Variants in ZNRF2 observed in about 807,000 individuals in gnomAD.
ZNRF2 encodes the protein E3 ubiquitin-protein ligase ZNRF2.
ZNRF2 carries 16 observed loss-of-function variants against 20.4 expected under a neutral mutation model. The observed-to-expected ratio is 0.79, with a 90% confidence interval of 0.53 to 1.19. ZNRF2 has a LOEUF of 1.19. ZNRF2 is among the 50% of genes most tolerant of loss of function. The pLI, the probability that ZNRF2 is intolerant of heterozygous loss-of-function variation, is 0.00. For synonymous variants in ZNRF2, 178 were observed against 144.9 expected (o/e 1.23, Z -1.64); for missense variants, 363 against 332.4 (o/e 1.09, Z -0.72).
At chr7:30,316,591 T>C (rs896472005) in intron 1 of ZNRF2, among the ~76,000 whole-genome samples, 3 of 152,202 alleles carry the variant, frequency 2.0e-5, no homozygotes, top group Admixed American at 6.5e-5. Flanking sequence ...TATTGTGTTA[T>C]TGGAACATTT....
intron 1 of ZNRF2, among the ~76,000 whole-genome samples, chr7:30,291,339 A>G (rs1433430635): frequency 1.3e-5 from 2 of 152,366 alleles, no homozygotes; most frequent in Admixed American, 6.5e-5. Context: ...ATTGGGCACA[A>G]TTAACACTCG....
chr7:30,338,015 T>C (rs961613415), intron 2 of ZNRF2, among the ~76,000 whole-genome samples: 1 of 152,158 alleles, frequency 6.6e-6, no homozygotes, highest in African/African-American at 2.4e-5. Flanking sequence ...ATTCTGAACA[T>C]TTGTAATATG....
chr7:30,365,176 G>T (rs1425672181), intron 4 of ZNRF2, among the ~76,000 whole-genome samples: 15 of 110,256 alleles, frequency 1.4e-4, no homozygotes, highest in African/African-American at 5.1e-4. Context: ...TTTTTTTGGT[G>T]AGGTGGAATT....
At chr7:30,289,434 T>C (rs1798855388) in intron 1 of ZNRF2, among the ~76,000 whole-genome samples, 1 of 152,224 alleles carries the variant, frequency 6.6e-6, no homozygotes, top group Non-Finnish European at 1.5e-5. Flanking sequence ...CCAAAATGTT[T>C]GAATTTGGGA....
intron 2 of ZNRF2, among the ~76,000 whole-genome samples, chr7:30,347,363 A>T (rs990764829): frequency 2.6e-5 from 4 of 152,186 alleles, no homozygotes; most frequent in African/African-American, 9.7e-5. Context: ...TTTCATTTTC[A>T]TCCCAACTCT....
chr7:30,347,830 A>G (rs1799901300), intron 2 of ZNRF2, among the ~76,000 whole-genome samples: 1 of 152,228 alleles, frequency 6.6e-6, no homozygotes, highest in African/African-American at 2.4e-5. Context: ...AGGATCCAGC[A>G]ATTAGTCACA....
intron 1 of ZNRF2, among the ~76,000 whole-genome samples, chr7:30,294,280 A>G (rs905890224): frequency 6.6e-6 from 1 of 152,106 alleles, no homozygotes; most frequent in Non-Finnish European, 1.5e-5. Flanking sequence ...TTCTTGTTAC[A>G]TATAGTCACT....
chr7:30,293,386 T>G (rs539456738), intron 1 of ZNRF2, among the ~76,000 whole-genome samples: 1 of 151,950 alleles, frequency 6.6e-6, no homozygotes, highest in African/African-American at 2.4e-5. Flanking sequence ...GTAGCTGGGA[T>G]TACAGGTGTG....
intron 2 of ZNRF2, among the ~76,000 whole-genome samples, chr7:30,333,117 G>C (rs1294742328): frequency 1.4e-5 from 2 of 142,286 alleles, no homozygotes; most frequent in East Asian, 4.2e-4. Context: ...GCAGTGGCTT[G>C]ATCTTGGCTC....
intron 2 of ZNRF2, among the ~76,000 whole-genome samples, chr7:30,347,900 A>G (rs868513896): frequency 3.9e-5 from 6 of 152,152 alleles, no homozygotes; most frequent in Admixed American, 6.5e-5. Context: ...TCAGTTGTTC[A>G]TGTTGCATAA....
chr7:30,313,865 C>T (rs985454983), intron 1 of ZNRF2, among the ~76,000 whole-genome samples: 14 of 152,152 alleles, frequency 9.2e-5, no homozygotes, highest in East Asian at 1.9e-4. Flanking sequence ...AGAATATGTT[C>T]GGTATATTCG....
intron 2 of ZNRF2, among the ~76,000 whole-genome samples, chr7:30,339,602 T>C (rs961847649): frequency 2.0e-5 from 3 of 152,184 alleles, no homozygotes; most frequent in African/African-American, 7.2e-5. Context: ...CTGAGGCCTT[T>C]GTTCTGTTCC....
At chr7:30,340,836 C>T (rs564050565) in intron 2 of ZNRF2, among the ~76,000 whole-genome samples, 2 of 152,158 alleles carry the variant, frequency 1.3e-5, no homozygotes, top group South Asian at 2.1e-4. Flanking sequence ...CTCTTTGTAC[C>T]TCCGGTAGAG....
At chr7:30,308,430 T>G (rs1429767614) in intron 1 of ZNRF2, among the ~76,000 whole-genome samples, 1 of 152,234 alleles carries the variant, frequency 6.6e-6, no homozygotes, top group Non-Finnish European at 1.5e-5. Context: ...ACTTAAAATA[T>G]GGTCCTTGAA....
intron 1 of ZNRF2, among the ~76,000 whole-genome samples, chr7:30,297,970 T>G (rs1251779289): frequency 1.3e-5 from 2 of 152,106 alleles, no homozygotes; most frequent in African/African-American, 4.8e-5. Flanking sequence ...GCTCAAGTGA[T>G]CCTCCTGCCT....
chr7:30,356,907 G>A (rs974392762), intron 3 of ZNRF2, among the ~76,000 whole-genome samples: 5 of 151,944 alleles, frequency 3.3e-5, no homozygotes, highest in East Asian at 1.9e-4. Context: ...GGGTTTCACC[G>A]TGTTAGCCAG....
intron 1 of ZNRF2, among the ~76,000 whole-genome samples, chr7:30,319,376 A>G (rs1312053216): frequency 6.6e-6 from 1 of 152,184 alleles, no homozygotes; most frequent in Non-Finnish European, 1.5e-5. Context: ...ATAATCTTTA[A>G]TTCTCACCAA....
intron 4 of ZNRF2, among the ~76,000 whole-genome samples, chr7:30,363,582 A>G (rs1800162083): frequency 6.6e-6 from 1 of 152,150 alleles, no homozygotes; most frequent in East Asian, 1.9e-4. Context: ...ATTCACTTTT[A>G]TATCTTTAGC....
intron 2 of ZNRF2, among the ~76,000 whole-genome samples, chr7:30,329,633 A>AT (rs1320153739): frequency 3.3e-5 from 5 of 152,198 alleles, no homozygotes; most frequent in Non-Finnish European, 5.9e-5. Flanking sequence ...AAAATGACAG[A>AT]TTTCATTCAT....
Sources: gnomAD v4.1 joint callset for allele counts (sites outside exome capture counted in the v4.1 genomes callset) on GRCh38, gnomAD v4.1.1 for gene constraint, MANE v1.5 for transcripts, NCBI Gene and HGNC (gene_info 2026-07-23, HGNC 2026-07-21) for gene names.